AGBL3: variants seen among roughly 807,000 people sequenced by gnomAD.
The protein encoded by AGBL3 is AGBL carboxypeptidase 3.
AGBL3 carries 68 observed loss-of-function variants against 94.5 expected under a neutral mutation model. That is an observed-to-expected ratio of 0.72 (90% CI 0.59 to 0.88). The LOEUF (loss-of-function observed/expected upper bound fraction) is 0.88. Among genes scored for constraint, AGBL3 ranks in the 40% least tolerant of loss-of-function variants. The probability of loss-of-function intolerance (pLI) is 0.00; values close to 1 mark genes in which losing one functional copy is unlikely to be tolerated. For missense variants in AGBL3, 934 were observed against 1,103.8 expected (o/e 0.85, Z 2.18); for synonymous variants, 354 against 370.7 (o/e 0.95, Z 0.52).
chr7:135,001,451 C>T (rs1303565919), intron 4 of AGBL3, among the ~76,000 whole-genome samples: 1 of 152,176 alleles, frequency 6.6e-6, no homozygotes, highest in African/African-American at 2.4e-5. Flanking sequence ...TTTGAGGTAA[C>T]ATTTTTTATT....
intron 11 of AGBL3, among the ~76,000 whole-genome samples, chr7:135,049,386 T>C (rs1413160275): frequency 6.6e-6 from 1 of 152,012 alleles, no homozygotes; most frequent in East Asian, 1.9e-4. Flanking sequence ...GTGGCTTCCT[T>C]TTCTTCTGGT....
rs143817779 is a variant in AGBL3, at chr7:135,071,277, G to A, written c.1909-5120G>A. Among the ~76,000 whole-genome samples the A allele has an allele frequency of 1.3e-3, 197 of 152,104 alleles. 3 individuals carry two copies. Among genetic ancestry groups the A allele is most frequent in the African/African-American group, 4.6e-3 (191 of 41,480 alleles). ...CTCATGGGTGGGAAGAATCAATATCGTGAAAATGGTAAATTTTCACCATTT... is the reference window on the plus strand; with the variant it reads ...CTCATGGGTGGGAAGAATCAATATCATGAAAATGGTAAATTTTCACCATTT... On this transcript the variant is annotated intron_variant, in intron 12 of 16. Transcript: ENST00000436302.
intron 1 of AGBL3, among the ~76,000 whole-genome samples, chr7:134,987,102 G>A (rs144628677): frequency 2.3e-4 from 35 of 152,360 alleles, no homozygotes; most frequent in Non-Finnish European, 4.0e-4. Context: ...GACTGAAGGT[G>A]TCATCTATGA....
chr7:135,005,005 T>G (rs1186622813), intron 4 of AGBL3, among the ~76,000 whole-genome samples: 1 of 151,702 alleles, frequency 6.6e-6, no homozygotes, highest in South Asian at 2.1e-4. Context: ...TTTTCAAATA[T>G]GCAGAGAAAT....
intron 12 of AGBL3, among the ~76,000 whole-genome samples, chr7:135,060,691 C>T (rs1818755258): frequency 6.6e-6 from 1 of 152,136 alleles, no homozygotes; most frequent in Non-Finnish European, 1.5e-5. Context: ...AACGCAATGT[C>T]CTCCACGTTC....
intron 2 of AGBL3, 93 bp downstream of exon 2, chr7:134,988,089 A>G: frequency 1.0e-6 from 1 of 962,778 alleles, no homozygotes; most frequent in South Asian, 1.8e-5. Flanking sequence ...GGATATAAAA[A>G]TCAATTGGAT....
In AGBL3 at chr7:135,034,283, C is replaced by T. The variant is rs1038773538; in HGVS notation, c.692C>T (p.Pro231Leu). Reference protein sequence around the residue: ...YRFTIVNFTKPASLYSRGMRP... With the variant: ...YRFTIVNFTKLASLYSRGMRP... ...TTCACTATTGTCAACTTCACCAAACCTGCTAGTCTTTACAGTCGGGGTATG... is the reference window on the plus strand; with the variant it reads ...TTCACTATTGTCAACTTCACCAAACTTGCTAGTCTTTACAGTCGGGGTATG... The change falls in exon 7 of 17, where the codon CCT (proline) becomes CTT (leucine). Residue 231 changes from proline (P) to leucine (L), a missense_variant. Coordinates refer to ENST00000436302, the MANE Select transcript of AGBL3 (RefSeq NM_178563.4). The T allele has an allele frequency of 6.4e-7, 1 of 1,551,754 alleles. No individual in the cohort carries two copies.
At chr7:135,114,880 T>C (rs537730787) in intron 15 of AGBL3, among the ~76,000 whole-genome samples, 1 of 152,268 alleles carries the variant, frequency 6.6e-6, no homozygotes, top group Admixed American at 6.5e-5. Context: ...AAAATCAAAG[T>C]CCTTCTACTG....
intron 11 of AGBL3, among the ~76,000 whole-genome samples, chr7:135,058,519 C>A (rs1818532596): frequency 6.6e-6 from 1 of 151,982 alleles, no homozygotes; most frequent in Admixed American, 6.6e-5. Flanking sequence ...CTAGGAAACT[C>A]CCCTGATATA....
chr7:135,071,900 A>G (rs1819947688), intron 12 of AGBL3, among the ~76,000 whole-genome samples: 1 of 152,216 alleles, frequency 6.6e-6, no homozygotes, highest in African/African-American at 2.4e-5. Context: ...ACAAAAGCCA[A>G]AATTGACAAA....
intron 12 of AGBL3, among the ~76,000 whole-genome samples, chr7:135,069,134 C>T (rs1445383827): frequency 6.6e-6 from 1 of 152,136 alleles, no homozygotes; most frequent in Non-Finnish European, 1.5e-5. Flanking sequence ...CAAAGAAGGC[C>T]ATTACATAAT....
chr7:135,076,444 C>A lies in AGBL3; in HGVS notation c.1956C>A (p.Ser652Arg). 7 of 1,549,110 alleles carry A rather than the reference C, an allele frequency of 4.5e-6. No homozygotes were observed. Among genetic ancestry groups the A allele is most frequent in the Non-Finnish European group, 6.1e-6 (7 of 1,145,088 alleles). The change falls in exon 13 of 17, where the codon AGC becomes AGA. Residue 652 changes from serine (S) to arginine (R), a missense_variant. Physicochemically the swap from Ser to Arg is moderately radical, Grantham distance 110. Coordinates refer to ENST00000436302, the MANE Select transcript of AGBL3 (RefSeq NM_178563.4). ...TKKERNSTIA[S>R]HQNARGQEVY... ...AGGAAAGGAATTCTACCATAGCAAG[C>A]CACCAAAATGCCAGAGGACAAGAGG...
chr7:135,044,162 G>T lies in AGBL3; in HGVS notation c.1627+11G>T, dbSNP rs987666062. On this transcript the variant is annotated intron_variant, in intron 9 of 16. Coordinates refer to ENST00000436302, the MANE Select transcript of AGBL3 (RefSeq NM_178563.4). ...GTGGATCTACTCTGGGTAAGACCAA[G>T]GGTTCTCATTCACAGCTCTCAAAGC... 19 of 1,542,686 alleles carry T rather than the reference G, an allele frequency of 1.2e-5. No individual in the cohort carries two copies. The highest frequency in any genetic ancestry group is 2.8e-5 in the African/African-American group (2 of 72,710).
chr7:135,032,546 G>A (rs534471651), intron 5 of AGBL3, among the ~76,000 whole-genome samples: 9 of 149,882 alleles, frequency 6.0e-5, no homozygotes, highest in Admixed American at 2.0e-4. Flanking sequence ...CGAACTCCTC[G>A]AGCTCGGGCA....
chr7:135,058,807 A>C (rs1406280672), intron 11 of AGBL3, among the ~76,000 whole-genome samples: 2 of 151,978 alleles, frequency 1.3e-5, no homozygotes, highest in African/African-American at 4.8e-5. Flanking sequence ...CCCAGGCTGG[A>C]GTGCAATGGC....
chr7:135,054,965 A>T (rs1444265443), intron 11 of AGBL3, among the ~76,000 whole-genome samples: 2 of 152,226 alleles, frequency 1.3e-5, no homozygotes, highest in Non-Finnish European at 2.9e-5. Flanking sequence ...GCACCTGCTC[A>T]GCTTCTGGTG....
In AGBL3 at chr7:135,046,474, A is replaced by C. The variant is rs368703794; in HGVS notation, c.1841+563A>C. 8.5e-5 allele frequency among the ~76,000 whole-genome samples: 13 copies of C among 152,200 alleles called. No individual in the cohort carries two copies. The East Asian group carries it at 1.9e-3, about 23-fold the overall frequency. Reference sequence around the variant, plus strand: ...ATTCACCCTAAGAATCCACCTATTCAACCATCTCTCCCTACTAACCCCTGG... The same window carrying C: ...ATTCACCCTAAGAATCCACCTATTCCACCATCTCTCCCTACTAACCCCTGG... On this transcript the variant is annotated intron_variant, in intron 11 of 16. Transcript: ENST00000436302.
chr7:135,061,152 G>C (rs1818807075), intron 12 of AGBL3, among the ~76,000 whole-genome samples: 1 of 151,800 alleles, frequency 6.6e-6, no homozygotes, highest in Non-Finnish European at 1.5e-5. Context: ...TAGTGATGTA[G>C]GGCATTTTTA....
At chr7:135,130,510 C>G (rs536921856) in intron 16 of AGBL3, among the ~76,000 whole-genome samples, 2 of 152,062 alleles carry the variant, frequency 1.3e-5, no homozygotes, top group East Asian at 3.9e-4. Flanking sequence ...TACCTTTGCC[C>G]TACCTTCTGT....
Sources: gnomAD v4.1 joint callset for allele counts (sites outside exome capture counted in the v4.1 genomes callset) on GRCh38, gnomAD v4.1.1 for gene constraint, MANE v1.5 for transcripts, NCBI Gene and HGNC (gene_info 2026-07-23, HGNC 2026-07-21) for gene names.